COL20A1: variants seen among roughly 807,000 people sequenced by gnomAD.
The protein encoded by COL20A1 is collagen alpha-1(XX) chain.
In COL20A1, 164 loss-of-function variants were observed where a neutral mutation model predicts 152.9. The observed-to-expected ratio is 1.07, with a 90% CI of 0.94 to 1.22. The LOEUF is 1.22. COL20A1 is among the 50% of genes most tolerant of loss of function. The pLI is 0.00. For missense variants in COL20A1, 1,873 were observed against 1,744.8 expected (o/e 1.07, Z -1.31); for synonymous variants, 864 against 756.0 (o/e 1.14, Z -2.34).
chr20:63,320,179 C>G lies in COL20A1; in HGVS notation c.3057C>G (p.Pro1019=), dbSNP rs1175813990. 1 of 1,569,148 alleles carries G rather than the reference C, an allele frequency of 6.4e-7. No individual in the cohort carries two copies. Among genetic ancestry groups the G allele is most frequent in the Non-Finnish European group, 8.6e-7 (1 of 1,159,670 alleles). The change falls in exon 24 of 36, where the codon CCC becomes CCG. Residue 1019 remains proline, a synonymous_variant. Transcript: ENST00000358894. ...GGAGGCTGGCCAAGGCCAGGGGCCCCCGGAGCAGTTCGGCCGCGGTGAGTT... is the reference window on the plus strand; with the variant it reads ...GGAGGCTGGCCAAGGCCAGGGGCCCGCGGAGCAGTTCGGCCGCGGTGAGTT... ...TLGRLAKARG[P]RSSSAAFQLQ...
At chr20:63,310,968 G>A (rs2123400830) in intron 11 of COL20A1, among the ~76,000 whole-genome samples, 1 of 152,216 alleles carries the variant, frequency 6.6e-6, no homozygotes, top group South Asian at 2.1e-4. Flanking sequence ...CATGGCCACA[G>A]TTCATGTTAG....
chr20:63,303,424 G>T (rs963001259), intron 3 of COL20A1, among the ~76,000 whole-genome samples: 2 of 152,192 alleles, frequency 1.3e-5, no homozygotes, highest in African/African-American at 4.8e-5. Flanking sequence ...TCACGTGTTT[G>T]TGCAGGAAGC....
intron 28 of COL20A1, 32 bp downstream of exon 28, chr20:63,325,526 G>T (rs777078736): frequency 1.9e-6 from 3 of 1,584,710 alleles, no homozygotes; most frequent in South Asian, 1.1e-5. Flanking sequence ...GGCCACAGGG[G>T]TTGGTGGGGG....
chr20:63,330,528 C>T (rs910152429), intron 35 of COL20A1, among the ~76,000 whole-genome samples, 192 bp from the exon 36 acceptor site: 1 of 152,176 alleles, frequency 6.6e-6, no homozygotes, highest in African/African-American at 2.4e-5. Context: ...TGACCCCACC[C>T]ACGGCCCTGC....
rs202054720 is a variant in COL20A1 at position 63,309,347 on chromosome 20, G to A, written c.955G>A (p.Asp319Asn). ...NVFAVGVKNA[D>N]EAELRLLASP... Reference sequence around the variant, plus strand: ...CTCACGAGCAGGTGTGAAGAACGCCGATGAGGCTGAGCTGAGGCTCCTGGC... The same window carrying A: ...CTCACGAGCAGGTGTGAAGAACGCCAATGAGGCTGAGCTGAGGCTCCTGGC... Residue 319 changes from aspartate to asparagine, a missense_variant, in exon 9 of 36, where the codon GAT (aspartate) becomes AAT (asparagine). Asp to Asn is a conservative substitution (Grantham distance 23, BLOSUM62 1). Transcript: ENST00000358894. The A allele has an allele frequency of 1.0e-5, 15 of 1,499,432 alleles. No homozygotes were observed. The highest frequency in any genetic ancestry group is 6.5e-5 in the Admixed American group (3 of 46,474). 92.9% of individuals were successfully genotyped at this position (1,499,432 alleles called of 1,614,324 possible). A position where few individuals can be genotyped will look rare whatever the true frequency, so the allele number is the denominator to read the frequency against.
rs771723903 is a variant in COL20A1 at position 63,327,941 on chromosome 20, C to T, written c.3529-11C>T. The T allele has an allele frequency of 3.8e-6, 6 of 1,592,118 alleles. No individual in the cohort carries two copies. The highest frequency in any genetic ancestry group is 1.7e-5 in the Admixed American group (1 of 57,260). On this transcript the variant is annotated splice_polypyrimidine_tract_variant and intron_variant, in intron 31 of 35. Coordinates refer to ENST00000358894, the MANE Select transcript of COL20A1 (RefSeq NM_020882.4). Reference sequence around the variant, plus strand: ...CTCTGCTGACTTCTTTTCTCTTCCCCTCCTCATCAGGGACTGCCAGGGCCC... The same window carrying T: ...CTCTGCTGACTTCTTTTCTCTTCCCTTCCTCATCAGGGACTGCCAGGGCCC...
chr20:63,309,270 C>T (rs1054287550), intron 8 of COL20A1, 63 bp from the exon 9 acceptor site: 1 of 1,307,822 alleles, frequency 7.6e-7, no homozygotes, highest in Non-Finnish European at 1.0e-6. Flanking sequence ...GAGACCCCCA[C>T]CGCAGGTGGC....
At chr20:63,317,628 G>GTGCT (rs1333094425) in intron 21 of COL20A1, among the ~76,000 whole-genome samples, 2 of 152,128 alleles carry the variant, frequency 1.3e-5, no homozygotes, top group Non-Finnish European at 2.9e-5. Flanking sequence ...GCCGGCCCAT[G>GTGCT]TGCTATGCTC....
rs1373255959 is a variant in COL20A1 at position 63,298,019 on chromosome 20, A to T, written c.192A>T (p.Ala64=). The T allele has an allele frequency of 6.2e-7, 1 of 1,605,806 alleles. No individual in the cohort carries two copies. Among genetic ancestry groups the T allele is most frequent in the Admixed American group, 1.7e-5 (1 of 59,990 alleles). Residue 64 remains alanine, a splice_region_variant and synonymous_variant, in exon 3 of 36, where the codon GCA becomes GCT. Transcript: ENST00000358894. ...ACCTGGTGCAGGTGAAGCCCATGGC[A>T]GGTGAGGACCTGCCCCTCCCAGGCC... ...LGYLVQVKPM[A]GDSEQEVILT...
At chr20:63,314,287 C>A in intron 19 of COL20A1, 86 bp downstream of exon 19, 1 of 1,262,674 alleles carries the variant, frequency 7.9e-7, no homozygotes, top group South Asian at 1.3e-5. Context: ...CCAGACTCAT[C>A]CAACCCCAGA....
intron 2 of COL20A1, among the ~76,000 whole-genome samples, chr20:63,295,446 C>T (rs1481868397): frequency 6.6e-6 from 1 of 152,230 alleles, no homozygotes; most frequent in Non-Finnish European, 1.5e-5. Flanking sequence ...AGTTATTCCA[C>T]GAACACCTTT....
At chr20:63,308,835 C>A in intron 8 of COL20A1, 129 bp downstream of exon 8, 1 of 878,362 alleles carries the variant, frequency 1.1e-6, no homozygotes, top group Non-Finnish European at 1.7e-6. Context: ...CGGAGCTGCA[C>A]GCAGAGCCAG....
chr20:63,326,881 G>T (rs991700428), intron 31 of COL20A1, 58 bp downstream of exon 31: 5 of 1,253,234 alleles, frequency 4.0e-6, no homozygotes, highest in Middle Eastern at 1.9e-4. Context: ...AAGGGTGCAA[G>T]CCCCACATGC....
intron 8 of COL20A1, among the ~76,000 whole-genome samples, chr20:63,308,929 C>T (rs908663735): frequency 6.6e-6 from 1 of 152,152 alleles, no homozygotes; most frequent in East Asian, 1.9e-4. Flanking sequence ...CGTGGAACCA[C>T]CCCAACCCTC....
Position 63,311,943 on chromosome 20 carries a change from G to A in COL20A1, c.1691G>A (p.Gly564Asp), listed in dbSNP as rs983437571. The A allele has an allele frequency of 4.4e-6, 7 of 1,581,456 alleles. No homozygotes were observed. The highest frequency in any genetic ancestry group is 6.0e-6 in the Non-Finnish European group (7 of 1,166,572). ...TPTLAPPRHL[G>D]FSDVSHDAAR... ...ACCCTGGCCCCCCCGAGACACCTGG[G>A]CTTCTCAGACGTGAGCCACGACGCG... The change falls in exon 14 of 36, where the codon GGC (glycine) becomes GAC (aspartate). Residue 564 changes from glycine (G) to aspartate (D), a missense_variant. Gly to Asp is a moderately conservative substitution (Grantham distance 94, BLOSUM62 -1). Transcript: ENST00000358894. The surrounding 1 kb of genome is among the most constrained non-coding windows in gnomAD (Gnocchi z 4.4).
At position 63,325,675 on chromosome 20, in the gene COL20A1, C is replaced by G; in HGVS notation, c.3356C>G (p.Pro1119Arg). 6.2e-7 allele frequency: 1 copy of G among 1,610,176 alleles called. No individual in the cohort carries two copies. Among genetic ancestry groups the G allele is most frequent in the Non-Finnish European group, 8.5e-7 (1 of 1,179,090 alleles). The part of the protein sequence containing the change: ...DHGLPGLQGH[P>R]GHQGIPGRVG... ...CCCTCTGTTCTCTCCCAGGGCCACCCCGGCCACCAGGGCATCCCCGGGAGA... is the reference window on the plus strand; with the variant it reads ...CCCTCTGTTCTCTCCCAGGGCCACCGCGGCCACCAGGGCATCCCCGGGAGA... Residue 1119 changes from proline (P) to arginine (R), a missense_variant, in exon 29 of 36, where the codon CCC (proline) becomes CGC (arginine). Transcript: ENST00000358894.
At position 63,307,553 on chromosome 20, in the gene COL20A1, C is replaced by T. The variant is rs960757703; in HGVS notation, c.560C>T (p.Ser187Phe). Residue 187 changes from serine (S) to phenylalanine (F), a missense_variant, in exon 6 of 36, where the codon TCC (serine) becomes TTC (phenylalanine). By Grantham distance (155) the Ser-to-Phe change is radical. Transcript: ENST00000358894. ...GACATGGTCTTCCTGGTGGACGGGTCCTGGAGCATTGGCCACAGTCACTTC... is the reference window on the plus strand; with the variant it reads ...GACATGGTCTTCCTGGTGGACGGGTTCTGGAGCATTGGCCACAGTCACTTC... ...PADMVFLVDG[S>F]WSIGHSHFQQ... The T allele has an allele frequency of 1.2e-6, 2 of 1,612,636 alleles. No individual in the cohort carries two copies. The highest frequency in any genetic ancestry group is 2.7e-5 in the African/African-American group (2 of 75,050).
In COL20A1 at chr20:63,306,152, T is replaced by G; in HGVS notation, c.496+113T>G. The G allele has an allele frequency of 2.1e-6, 2 of 952,580 alleles. No individual in the cohort carries two copies. Among genetic ancestry groups the G allele is most frequent in the South Asian group, 1.7e-5 (1 of 58,458 alleles). 59.0% of individuals were successfully genotyped at this position (952,580 alleles called of 1,614,324 possible). ...TCCTCGTGTCTGACCACACGGTCTC[T>G]GACCACGAGGCCAGGAAGTTCTTCC... is the stretch of plus-strand genomic sequence containing the variant. On this transcript the variant is annotated intron_variant, in intron 5 of 35. Coordinates refer to ENST00000358894, the MANE Select transcript of COL20A1 (RefSeq NM_020882.4). This position sits in a 1 kb window ranked among gnomAD's most constrained non-coding sequence, Gnocchi z 6.9.
At position 63,313,058 on chromosome 20, in the gene COL20A1, GC is replaced by G. The variant is rs895323244; in HGVS notation, c.2077-53del. 7.0e-6 allele frequency: 11 copies of G among 1,565,376 alleles called. No individual in the cohort carries two copies. The Admixed American group carries it at 7.4e-5, about 11-fold the overall frequency. The stretch of plus-strand genomic sequence containing the variant: ...TCTCCCAGGGATGCCTCACTGCCCG[GC>G]CCCCCAACCTGAGGACCCCACTGCA... On this transcript the variant is annotated intron_variant, in intron 16 of 35. Coordinates refer to ENST00000358894, the MANE Select transcript of COL20A1 (RefSeq NM_020882.4). The surrounding 1 kb of genome is among the most constrained non-coding windows in gnomAD (Gnocchi z 5.9).
Sources: allele counts gnomAD v4.1 joint callset (sites outside exome capture counted in the v4.1 genomes callset), GRCh38; gene constraint gnomAD v4.1.1; non-coding constraint Gnocchi (gnomAD v3.1); transcripts MANE v1.5; gene names NCBI Gene and HGNC (gene_info 2026-07-23, HGNC 2026-07-21).